The following USP15 variants were observed in gnomAD, a reference collection of about 807,000 sequenced individuals.
USP15 encodes ubiquitin specific peptidase 15.
USP15 carries 18 observed loss-of-function variants against 127.1 expected under a neutral mutation model. The observed-to-expected ratio is 0.14, with a 90% CI of 0.10 to 0.21. The LOEUF is 0.21. Among genes scored for constraint, USP15 ranks in the 10% least tolerant of loss-of-function variants. USP15 has a pLI of 1.00. For missense variants in USP15, 805 were observed against 1,159.9 expected (o/e 0.69, Z 4.44); for synonymous variants, 364 against 393.7 (o/e 0.92, Z 0.89).
chr12:62,390,490 G>A (rs180707693), intron 14 of USP15, among the ~76,000 whole-genome samples: 12 of 152,040 alleles, frequency 7.9e-5, no homozygotes, highest in African/African-American at 2.7e-4. Flanking sequence ...TTGAAAGCTG[G>A]TATATTTAGT....
chr12:62,333,022 C>T (rs1000109434), intron 6 of USP15, among the ~76,000 whole-genome samples: 5 of 152,102 alleles, frequency 3.3e-5, no homozygotes, highest in Non-Finnish European at 5.9e-5. Context: ...CTATCTTAAA[C>T]GTCTTTAGAA....
At chr12:62,322,090 G>T (rs1024598722) in intron 5 of USP15, among the ~76,000 whole-genome samples, 13 of 152,112 alleles carry the variant, frequency 8.5e-5, no homozygotes, top group Non-Finnish European at 1.6e-4. Context: ...ACTCTAGTTT[G>T]CCAGCCCTTG....
At position 62,410,505 on chromosome 12, in the gene USP15, C is replaced by T. The variant is rs2068013471; in HGVS notation, c.*6130C>T. 1 of 152,038 alleles carries T rather than the reference C, an allele frequency of 6.6e-6. No homozygotes were observed. The highest frequency in any genetic ancestry group is 2.4e-5 in the African/African-American group (1 of 41,394). The allele number at this position is 152,038 out of a possible 1,614,324, so 9.4% of individuals were successfully genotyped here. A position where few individuals can be genotyped will look rare whatever the true frequency, so the allele number is the denominator to read the frequency against. On this transcript the variant is annotated 3_prime_UTR_variant, in exon 22 of 22. Coordinates refer to ENST00000280377, the MANE Select transcript of USP15 (RefSeq NM_001252078.2). ...AATTTCTAGAACTCAGAGCTATATT[C>T]ACTTTTGAGCTATGTACCTATTGTA...
At chr12:62,399,149 T>C (rs1176024933) in intron 20 of USP15, among the ~76,000 whole-genome samples, 2 of 152,228 alleles carry the variant, frequency 1.3e-5, no homozygotes, top group African/African-American at 4.8e-5. Context: ...GATCTTGGGT[T>C]GAGATCAACA....
intron 6 of USP15, among the ~76,000 whole-genome samples, chr12:62,337,725 TGTG>T (rs2137363425): frequency 6.7e-6 from 1 of 149,966 alleles, no homozygotes; most frequent in Non-Finnish European, 1.5e-5. Context: ...AGTGAGAACA[TGTG>T]GTGTTTGATT....
At chr12:62,346,315 G>A (rs192064324) in intron 6 of USP15, among the ~76,000 whole-genome samples, 3 of 152,244 alleles carry the variant, frequency 2.0e-5, no homozygotes, top group Admixed American at 2.0e-4. Flanking sequence ...ACTGTGATGT[G>A]AAGTATAGGT....
chr12:62,288,221 TC>T (rs1434594532), intron 1 of USP15, among the ~76,000 whole-genome samples: 7 of 152,142 alleles, frequency 4.6e-5, no homozygotes, highest in African/African-American at 1.7e-4. Context: ...ATTCTTCTGA[TC>T]CATCAGCATG....
chr12:62,292,414 A>G (rs550219810), intron 1 of USP15, among the ~76,000 whole-genome samples: 1 of 152,338 alleles, frequency 6.6e-6, no homozygotes, highest in East Asian at 1.9e-4. Flanking sequence ...CTCTAGGCAG[A>G]GAGTGGGACA....
rs138853101 is a variant in USP15 at position 62,319,930 on chromosome 12, C to G, written c.476-1534C>G. Among the ~76,000 whole-genome samples the G allele has an allele frequency of 6.1e-3, 929 of 152,246 alleles. 3 individuals carry two copies. The highest frequency in any genetic ancestry group is 9.6e-3 in the Non-Finnish European group (655 of 68,010). ...TAGAAAGATTAAAACAGCTCCCTTC[C>G]TTGGCTTCTTCCTTTATCCTCTTTC... On this transcript the variant is annotated intron_variant, in intron 4 of 21. Transcript: ENST00000280377.
At chr12:62,300,027 AGTTT>A (rs1472386802) in intron 2 of USP15, among the ~76,000 whole-genome samples, 2 of 151,898 alleles carry the variant, frequency 1.3e-5, no homozygotes, top group Non-Finnish European at 2.9e-5. Context: ...TTGTATTTTC[AGTTT>A]GTTATTTATT....
chr12:62,386,105 A>G (rs893292284), intron 11 of USP15, among the ~76,000 whole-genome samples: 1 of 151,322 alleles, frequency 6.6e-6, no homozygotes. Flanking sequence ...GACCAATAAT[A>G]TAAATTTGCG....
At chr12:62,344,286 G>T (rs2065741130) in intron 6 of USP15, among the ~76,000 whole-genome samples, 1 of 152,156 alleles carries the variant, frequency 6.6e-6, no homozygotes, top group African/African-American at 2.4e-5. Context: ...GGAGAAATTG[G>T]CCAAAACAAA....
intron 4 of USP15, among the ~76,000 whole-genome samples, chr12:62,320,841 C>T (rs1057452783): frequency 2.6e-5 from 4 of 151,916 alleles, no homozygotes; most frequent in African/African-American, 7.2e-5. Context: ...ATTTTGATTA[C>T]TATTTTCTTG....
intron 4 of USP15, among the ~76,000 whole-genome samples, chr12:62,319,282 C>T (rs1416743936): frequency 1.3e-5 from 2 of 152,180 alleles, no homozygotes; most frequent in African/African-American, 4.8e-5. Flanking sequence ...AATCTGCCCC[C>T]ATGATCCAGT....
chr12:62,368,657 T>C (rs2066560330), intron 8 of USP15, among the ~76,000 whole-genome samples: 1 of 152,188 alleles, frequency 6.6e-6, no homozygotes, highest in African/African-American at 2.4e-5. Flanking sequence ...TTCCATTTGG[T>C]TGGTAAATAT....
chr12:62,284,516 C>T (rs1016866341), intron 1 of USP15, among the ~76,000 whole-genome samples: 1 of 152,070 alleles, frequency 6.6e-6, no homozygotes, highest in African/African-American at 2.4e-5. Context: ...TAGGTTAGTG[C>T]CTTTGCTTTA....
intron 3 of USP15, among the ~76,000 whole-genome samples, chr12:62,312,860 G>A (rs2064723355): frequency 2.0e-5 from 3 of 151,478 alleles, no homozygotes. Context: ...CAAATATGAA[G>A]GAGATTATAT....
chr12:62,320,819 A>G (rs1035143245), intron 4 of USP15, among the ~76,000 whole-genome samples: 2 of 152,242 alleles, frequency 1.3e-5, no homozygotes, highest in Admixed American at 6.5e-5. Context: ...CTGTATTCAT[A>G]TATCATAAAA....
At chr12:62,277,898 A>G (rs1421034671) in intron 1 of USP15, among the ~76,000 whole-genome samples, 2 of 152,034 alleles carry the variant, frequency 1.3e-5, no homozygotes, top group Admixed American at 6.6e-5. Flanking sequence ...ATTTAAAAAT[A>G]TTTTCTTCAA....
Sources: allele counts gnomAD v4.1 joint callset (sites outside exome capture counted in the v4.1 genomes callset), GRCh38; gene constraint gnomAD v4.1.1; transcripts MANE v1.5; gene names NCBI Gene and HGNC (gene_info 2026-07-23, HGNC 2026-07-21).